The following PGAP6 variants were observed in gnomAD, a reference collection of about 807,000 sequenced individuals.
The protein encoded by PGAP6 is post-GPI attachment to proteins factor 6.
A neutral mutation model predicts 68.4 loss-of-function variants in PGAP6; 62 were observed. The observed-to-expected ratio is 0.91, with a 90% CI of 0.74 to 1.12. The LOEUF (loss-of-function observed/expected upper bound fraction) is 1.12. PGAP6 is among the 50% of genes most tolerant of loss of function. The pLI is 0.00. For missense variants in PGAP6, 1,188 were observed against 1,068.5 expected (o/e 1.11, Z -1.56); for synonymous variants, 575 against 474.0 (o/e 1.21, Z -2.77).
chr16:378,189 C>CACTGCCATCGCCACCCTG (rs1440162784), intron 1 of PGAP6, among the ~76,000 whole-genome samples: 4 of 147,092 alleles, frequency 2.7e-5, no homozygotes, highest in African/African-American at 7.6e-5. Flanking sequence ...TCCCCACCCG[C>CACTGCCATCGCCACCCTG]ACTGCCATCG....
At chr16:377,338 A>C (rs2054393865) in intron 3 of PGAP6, 40 bp downstream of exon 3, 2 of 1,556,350 alleles carry the variant, frequency 1.3e-6, no homozygotes, top group Non-Finnish European at 1.7e-6. Context: ...CCATCGCCGC[A>C]AGGTTCTCTG....
Position 375,263 on chromosome 16 carries a change from G to A in PGAP6, c.1316-7C>T, listed in dbSNP as rs537240565. 1.9e-6 allele frequency: 3 copies of A among 1,612,888 alleles called. No individual in the cohort carries two copies. The highest frequency in any genetic ancestry group is 1.7e-6 in the Non-Finnish European group (2 of 1,179,926). On this transcript the variant is annotated splice_polypyrimidine_tract_variant and splice_region_variant and intron_variant, in intron 7 of 12. Transcript: ENST00000431232. ...GGGTAGCCCTGGAAGAAGGCTGCAG[G>A]GGAGCCAGAGGGCCCCATCAGAGGA...
At chr16:372,343 G>T in intron 12 of PGAP6, 60 bp from the exon 13 acceptor site, 1 of 1,530,398 alleles carries the variant, frequency 6.5e-7, no homozygotes, top group Non-Finnish European at 8.8e-7. Context: ...AGCTCCCAGG[G>T]CCCAGATACG....
Position 376,157 on chromosome 16 carries a change from G to A in PGAP6, c.1203C>T (p.Thr401=), listed in dbSNP as rs768294505. ...NTGMDSGGSL[T]ISLRANKTEM... is the part of the protein sequence containing the mutation. ...GTACCTTGTTGGCCCGCAGGGAGAT[G>A]GTGAGGGAACCCCCGCTGTCCATGC... The change falls in exon 6 of 13, where the codon ACC becomes ACT. Residue 401 remains threonine, a synonymous_variant. Coordinates refer to ENST00000431232, the MANE Select transcript of PGAP6 (RefSeq NM_021259.3). 3 of 1,606,498 alleles carry A rather than the reference G, an allele frequency of 1.9e-6. No homozygotes were observed. Among genetic ancestry groups the A allele is most frequent in the South Asian group, 1.1e-5 (1 of 90,962 alleles).
chr16:372,808 A>G (rs934473876), intron 11 of PGAP6, 81 bp from the exon 12 acceptor site: 20 of 988,780 alleles, frequency 2.0e-5, no homozygotes, highest in Non-Finnish European at 2.9e-5. Context: ...CCACGGCCCC[A>G]CAGCACCTCT....
At chr16:384,919 T>G (rs1453209118), upstream of PGAP6, among the ~76,000 whole-genome samples, 1 of 151,112 alleles carries the variant, frequency 6.6e-6, no homozygotes, top group Non-Finnish European at 1.5e-5. Context: ...TCCCAGCACT[T>G]TGGGAGGCTA....
upstream of PGAP6, among the ~76,000 whole-genome samples, chr16:384,651 C>T (rs192184363): frequency 6.6e-5 from 10 of 151,946 alleles, no homozygotes; most frequent in South Asian, 2.1e-4. Context: ...GTCAGGAGAT[C>T]GAGACCATCC....
chr16:379,348 G>A (rs377364599), intron 1 of PGAP6, among the ~76,000 whole-genome samples: 2 of 152,226 alleles, frequency 1.3e-5, no homozygotes, highest in Non-Finnish European at 2.9e-5. Context: ...GCAGCCTGTC[G>A]GCAAATCCAG....
upstream of PGAP6, chr16:386,572 G>T (rs958121128): frequency 3.0e-6 from 1 of 330,536 alleles, no homozygotes; most frequent in African/African-American, 2.2e-5. Flanking sequence ...CAGGTGCCCA[G>T]ACATCAGAGT....
Position 374,209 on chromosome 16 carries a change from G to A in PGAP6, c.1755+12C>T, listed in dbSNP as rs779545737. ...CTCCCACCCCACATCCCTGCAGGAGGGGCCAGCCTACCGTGGAGAAGAACA... is the reference window on the plus strand; with the variant it reads ...CTCCCACCCCACATCCCTGCAGGAGAGGCCAGCCTACCGTGGAGAAGAACA... On this transcript the variant is annotated intron_variant, in intron 10 of 12. Transcript: ENST00000431232. The A allele has an allele frequency of 3.0e-5, 48 of 1,610,190 alleles. No individual in the cohort carries two copies. The highest frequency in any genetic ancestry group is 3.9e-5 in the Non-Finnish European group (46 of 1,179,674).
upstream of PGAP6, chr16:382,323 C>T (rs2054451400): frequency 5.1e-6 from 2 of 389,116 alleles, no homozygotes; most frequent in African/African-American, 4.2e-5. Context: ...CCGTGGCAGG[C>T]TCGGGGAGCC....
At position 374,797 on chromosome 16, in the gene PGAP6, C is replaced by T. The variant is rs376639779; in HGVS notation, c.1535G>A (p.Arg512His). The T allele has an allele frequency of 7.4e-6, 12 of 1,612,706 alleles. No homozygotes were observed. The highest frequency in any genetic ancestry group is 6.7e-5 in the African/African-American group (5 of 74,938). Reference sequence around the variant, plus strand: ...GCTGGCATACAGGTAGCTGTGTCTGCGGAGCAGGAGGCACTGGCCATAGGG... The same window carrying T: ...GCTGGCATACAGGTAGCTGTGTCTGTGGAGCAGGAGGCACTGGCCATAGGG... ...CGPYGQCLLL[R>H]RHSYLYASCS... is the part of the protein sequence containing the mutation. Residue 512 changes from arginine to histidine, a missense_variant, in exon 9 of 13, where the codon CGC becomes CAC. Arg to His is a conservative substitution (Grantham distance 29, BLOSUM62 0). Transcript: ENST00000431232.
upstream of PGAP6, among the ~76,000 whole-genome samples, chr16:385,025 G>C (rs1001999839): frequency 6.6e-6 from 1 of 151,502 alleles, no homozygotes; most frequent in Admixed American, 6.6e-5. Context: ...AATTAGCCAG[G>C]CATGGTGACA....
At chr16:373,747 C>T (rs555500954) in intron 11 of PGAP6, among the ~76,000 whole-genome samples, 2 of 152,344 alleles carry the variant, frequency 1.3e-5, no homozygotes, top group African/African-American at 4.8e-5. Flanking sequence ...TCTTGAACCC[C>T]TGGCCTCATG....
At chr16:372,850 G>C in intron 11 of PGAP6, 123 bp from the exon 12 acceptor site, 2 of 667,396 alleles carry the variant, frequency 3.0e-6, no homozygotes, top group Non-Finnish European at 5.1e-6. Flanking sequence ...GCCACCCTCA[G>C]ACCAGCTCTG....
chr16:381,918 TCCGCCTCTGC>T lies in PGAP6; in HGVS notation c.-107_-98del, dbSNP rs2054443419. ...CTCTGCCGCCTCCGCCTCTGCCGCC[TCCGCCTCTGC>T]CCCCGGCGCCCATGGCCCGGCCGGT... On this transcript the variant is annotated 5_prime_UTR_variant, in exon 1 of 13. The change abolishes the stop of an existing upstream ORF in the 5' untranslated region. Transcript: ENST00000431232. The T allele has an allele frequency of 2.9e-6, 1 of 349,660 alleles. No homozygotes were observed. Among genetic ancestry groups the T allele is most frequent in the South Asian group, 1.3e-4 (1 of 7,524 alleles). 21.7% of individuals were successfully genotyped at this position (349,660 alleles called of 1,614,324 possible).
At chr16:375,078 T>A (rs1344057356) in intron 8 of PGAP6, 55 bp downstream of exon 8, 1 of 1,602,448 alleles carries the variant, frequency 6.2e-7, no homozygotes, top group Non-Finnish European at 8.5e-7. Flanking sequence ...CGGCCTGTGG[T>A]CCTGAGTGAA....
chr16:381,364 G>T (rs2054436111), intron 1 of PGAP6, among the ~76,000 whole-genome samples: 1 of 152,206 alleles, frequency 6.6e-6, no homozygotes, highest in Non-Finnish European at 1.5e-5. Flanking sequence ...CCCAGCTGGA[G>T]TCCCGGGCAG....
chr16:377,370 C>T lies in PGAP6; in HGVS notation c.507+8G>A, dbSNP rs1483329441. 2 of 1,581,996 alleles carry T rather than the reference C, an allele frequency of 1.3e-6. No homozygotes were observed. Among genetic ancestry groups the T allele is most frequent in the African/African-American group, 2.7e-5 (2 of 74,540 alleles). On this transcript the variant is annotated splice_region_variant and intron_variant, in intron 3 of 12. Coordinates refer to ENST00000431232, the MANE Select transcript of PGAP6 (RefSeq NM_021259.3). ...TCTGCCTCCATCCCGGAGGGCAGCCCCCCTCACCTTCAACTCGATCTTCTG... is the reference window on the plus strand; with the variant it reads ...TCTGCCTCCATCCCGGAGGGCAGCCTCCCTCACCTTCAACTCGATCTTCTG...
Sources: gnomAD v4.1 joint callset for allele counts (sites outside exome capture counted in the v4.1 genomes callset) on GRCh38, gnomAD v4.1.1 for gene constraint, MANE v1.5 for transcripts, NCBI Gene and HGNC (gene_info 2026-07-23, HGNC 2026-07-21) for gene names.